Variants in SIPA1L2 observed in about 807,000 individuals in gnomAD.
The protein encoded by SIPA1L2 is signal induced proliferation associated 1 like 2, also known as signal-induced proliferation-associated 1-like protein 2.
Under a neutral mutation model 163.9 loss-of-function variants are expected in SIPA1L2, and 56 were observed. That is an observed-to-expected ratio of 0.34 (90% CI 0.28 to 0.43). The LOEUF is 0.43. Ranked by LOEUF, SIPA1L2 falls within the 20% of genes least tolerant of loss-of-function variation. The probability of loss-of-function intolerance (pLI) is 1.00; values close to 1 mark genes in which losing one functional copy is unlikely to be tolerated. For missense variants in SIPA1L2, 1,974 were observed against 2,193.5 expected (o/e 0.90, Z 2.00); for synonymous variants, 877 against 865.7 (o/e 1.01, Z -0.23).
At chr1:232,602,084 G>A (rs1661626733) in intron 1 of SIPA1L2, among the ~76,000 whole-genome samples, 1 of 152,150 alleles carries the variant, frequency 6.6e-6, no homozygotes, top group Admixed American at 6.5e-5. Context: ...AAGGCAAGGA[G>A]GGGAAGTCAC....
At chr1:232,408,973 G>A (rs16857012) in intron 19 of SIPA1L2, among the ~76,000 whole-genome samples, 9,918 of 152,020 alleles carry the variant, frequency 0.065, 915 homozygotes, top group East Asian at 0.48. Flanking sequence ...TTTTTCTAAA[G>A]TTGACTTTTT....
Position 232,465,191 on chromosome 1 carries a change from A to C in SIPA1L2, c.2469T>G (p.Asp823Glu). 1.2e-6 allele frequency: 2 copies of C among 1,614,202 alleles called. No homozygotes were observed. Among genetic ancestry groups the C allele is most frequent in the Non-Finnish European group, 1.7e-6 (2 of 1,180,038 alleles). Residue 823 changes from aspartate (D) to glutamate (E), a missense_variant, in exon 9 of 23, where the codon GAT becomes GAG. Transcript: ENST00000674635. This position sits in a 1 kb window ranked among gnomAD's most constrained non-coding sequence, Gnocchi z 4.1. The stretch of plus-strand genomic sequence containing the variant: ...TAATGAAGCTGAACTTCACAGAGGT[A>C]TCCACGGTGGCGGTTGTGACAAAGT... ...AENFVTTATV[D>E]TSVKFSFITL...
At position 232,465,239 on chromosome 1, in the gene SIPA1L2, C is replaced by T. The variant is rs761131454; in HGVS notation, c.2421G>A (p.Glu807=). Residue 807 remains glutamate (E), a synonymous_variant, in exon 9 of 23, where the codon GAG becomes GAA. Transcript: ENST00000674635. The surrounding 1 kb of genome is among the most constrained non-coding windows in gnomAD (Gnocchi z 4.1). The part of the protein sequence containing the change: ...FRAMATRTRQ[E]YLKDLAENFV... Reference sequence around the variant, plus strand: ...AGTTCTCCGCCAGATCTTTCAAGTACTCCTGCCTCGTTCGAGTGGCCATTG... The same window carrying T: ...AGTTCTCCGCCAGATCTTTCAAGTATTCCTGCCTCGTTCGAGTGGCCATTG... 4.3e-6 allele frequency: 7 copies of T among 1,614,044 alleles called. No homozygotes were observed. The highest frequency in any genetic ancestry group is 5.9e-6 in the Non-Finnish European group (7 of 1,180,046).
At chr1:232,516,036 G>C (rs1667205277) in intron 2 of SIPA1L2, among the ~76,000 whole-genome samples, 1 of 152,218 alleles carries the variant, frequency 6.6e-6, no homozygotes, top group Non-Finnish European at 1.5e-5. Flanking sequence ...TTAAACTAGG[G>C]ATTCATGAAG....
chr1:232,630,224 C>A (rs1055003869), upstream of SIPA1L2, among the ~76,000 whole-genome samples: 1 of 151,694 alleles, frequency 6.6e-6, no homozygotes, highest in South Asian at 2.1e-4. Flanking sequence ...TGCCTGCAGG[C>A]CCCCTCGGCC....
chr1:232,620,817 TTCTC>T (rs1662765783), intron 1 of SIPA1L2, among the ~76,000 whole-genome samples: 2 of 152,224 alleles, frequency 1.3e-5, no homozygotes, highest in Admixed American at 6.5e-5. Flanking sequence ...AAATTCTAGC[TTCTC>T]TATTAATGTT....
At chr1:232,401,005 C>G (rs952943880) in intron 22 of SIPA1L2, among the ~76,000 whole-genome samples, 12 of 152,186 alleles carry the variant, frequency 7.9e-5, no homozygotes, top group Non-Finnish European at 1.5e-4. Context: ...TCCACCAACA[C>G]CTCCAACCCA....
chr1:232,491,432 C>T (rs1665925301), intron 4 of SIPA1L2, among the ~76,000 whole-genome samples: 1 of 152,154 alleles, frequency 6.6e-6, no homozygotes, highest in Non-Finnish European at 1.5e-5. Flanking sequence ...ACCATGATCA[C>T]CCTTCTTCCA....
At chr1:232,399,932 G>A (rs974132751) in intron 22 of SIPA1L2, among the ~76,000 whole-genome samples, 7 of 152,092 alleles carry the variant, frequency 4.6e-5, no homozygotes, top group Admixed American at 1.3e-4. Flanking sequence ...TTTCTGTAAC[G>A]GGATCTAACT....
chr1:232,476,674 T>C (rs890535855), intron 7 of SIPA1L2, among the ~76,000 whole-genome samples: 1 of 152,212 alleles, frequency 6.6e-6, no homozygotes, highest in Non-Finnish European at 1.5e-5. Flanking sequence ...GGGTTTCTTA[T>C]CATTCTTTTG....
intron 7 of SIPA1L2, among the ~76,000 whole-genome samples, chr1:232,473,711 C>T (rs955954345): frequency 1.3e-5 from 2 of 151,926 alleles, no homozygotes; most frequent in African/African-American, 4.8e-5. Flanking sequence ...TAAAATGGGC[C>T]AAAAAATGTT....
In SIPA1L2 at chr1:232,615,856, C is replaced by T. The variant is rs12059625; in HGVS notation, c.-319+14013G>A. Among the ~76,000 whole-genome samples the T allele has an allele frequency of 2.6e-3, 400 of 152,306 alleles. 1 individual carries two copies. The highest frequency in any genetic ancestry group is 8.0e-3 in the African/African-American group (331 of 41,564). ...ATAAGAGCACCACAAGGGCAACACC[C>T]TGTCTGCCTTACTCACCACCATAAC... On this transcript the variant is annotated intron_variant, in intron 1 of 22. Coordinates refer to ENST00000674635, the MANE Select transcript of SIPA1L2 (RefSeq NM_020808.5).
chr1:232,575,395 G>A (rs774399434), intron 1 of SIPA1L2, among the ~76,000 whole-genome samples: 4 of 152,116 alleles, frequency 2.6e-5, no homozygotes, highest in Non-Finnish European at 4.4e-5. Context: ...GCTATGACTC[G>A]TCTTAGTTTT....
At chr1:232,544,766 C>G (rs1657924772) in intron 2 of SIPA1L2, among the ~76,000 whole-genome samples, 1 of 152,202 alleles carries the variant, frequency 6.6e-6, no homozygotes, top group African/African-American at 2.4e-5. Context: ...ACGCACAACA[C>G]AGCCAAGTCT....
intron 1 of SIPA1L2, among the ~76,000 whole-genome samples, chr1:232,579,553 G>A (rs12074552): frequency 0.025 from 3,816 of 152,270 alleles, 170 homozygotes; most frequent in African/African-American, 0.087. Context: ...GCTGAAGGAA[G>A]AACACAGCCA....
At chr1:232,510,790 A>C (rs1244064182) in intron 3 of SIPA1L2, among the ~76,000 whole-genome samples, 1 of 152,196 alleles carries the variant, frequency 6.6e-6, no homozygotes, top group Non-Finnish European at 1.5e-5. Context: ...TGCACAAAAC[A>C]ACAGTTTTTC....
chr1:232,459,126 G>A (rs1664089775), intron 10 of SIPA1L2, among the ~76,000 whole-genome samples: 1 of 152,252 alleles, frequency 6.6e-6, no homozygotes, highest in African/African-American at 2.4e-5. Flanking sequence ...ATTAACCATA[G>A]AGGAAGACAG....
At chr1:232,594,717 C>A (rs1178663394) in intron 1 of SIPA1L2, among the ~76,000 whole-genome samples, 2 of 152,070 alleles carry the variant, frequency 1.3e-5, no homozygotes, top group African/African-American at 4.8e-5. Flanking sequence ...TTCAACAACC[C>A]TAAAAAGTCC....
Position 232,464,964 on chromosome 1 carries a change from T to A in SIPA1L2, c.2696A>T (p.Asp899Val). The A allele has an allele frequency of 1.2e-6, 2 of 1,614,188 alleles. No homozygotes were observed. Among genetic ancestry groups the A allele is most frequent in the South Asian group, 2.2e-5 (2 of 91,078 alleles). Residue 899 changes from aspartate (D) to valine (V), a missense_variant, in exon 9 of 23, where the codon GAT becomes GTT. Transcript: ENST00000674635. Reference sequence around the variant, plus strand: ...TAATCCAGATGTCCACCCAATCACATCCCTGCAGGAACAGTTGAATACAAC... The same window carrying A: ...TAATCCAGATGTCCACCCAATCACAACCCTGCAGGAACAGTTGAATACAAC... ...KNVVFNCSCR[D>V]VIGWTSGLVS...
Sources: allele counts gnomAD v4.1 joint callset (sites outside exome capture counted in the v4.1 genomes callset), GRCh38; gene constraint gnomAD v4.1.1; non-coding constraint Gnocchi (gnomAD v3.1); transcripts MANE v1.5; gene names NCBI Gene and HGNC (gene_info 2026-07-23, HGNC 2026-07-21).